The following NUP58 variants were observed in gnomAD, a reference collection of about 807,000 sequenced individuals.
NUP58 encodes nucleoporin 58, also known as nucleoporin p58/p45.
A neutral mutation model predicts 70.1 loss-of-function variants in NUP58; 17 were observed. The observed-to-expected ratio is 0.24, with a 90% CI of 0.17 to 0.36. The LOEUF is 0.36. Ranked by LOEUF, NUP58 falls within the 10% of genes least tolerant of loss-of-function variation. NUP58 has a pLI of 1.00. For synonymous variants in NUP58, 275 were observed against 257.6 expected, an observed-to-expected ratio of 1.07 and a Z score of -0.65; for missense variants, 644 against 701.5, an observed-to-expected ratio of 0.92 and a Z score of 0.93.
At chr13:25,314,526 T>A (rs1297231641) in intron 5 of NUP58, among the ~76,000 whole-genome samples, 1 of 151,996 alleles carries the variant, frequency 6.6e-6, no homozygotes, top group Non-Finnish European at 1.5e-5. Context: ...TGAAACCGCA[T>A]CTCTACTAAA....
intron 12 of NUP58, among the ~76,000 whole-genome samples, chr13:25,328,260 G>A (rs1237563735): frequency 6.6e-6 from 1 of 151,968 alleles, no homozygotes; most frequent in Non-Finnish European, 1.5e-5. Context: ...AATTTTATCT[G>A]TTTTAAGTGT....
At chr13:25,324,587 A>T (rs1290053487) in intron 9 of NUP58, among the ~76,000 whole-genome samples, 1 of 152,176 alleles carries the variant, frequency 6.6e-6, no homozygotes, top group African/African-American at 2.4e-5. Context: ...GGTACATAGC[A>T]AGCACCCAAA....
Position 25,327,043 on chromosome 13 carries a change from C to G in NUP58, c.1150+9C>G, listed in dbSNP as rs777499858. On this transcript the variant is annotated intron_variant, in intron 11 of 15. Coordinates refer to ENST00000381736, the MANE Select transcript of NUP58 (RefSeq NM_014089.4). ...ACATATAACCCCTCAAGGTAACATG[C>G]TTACTGTGGTAATTTTTTTTGAACT... 1 of 1,468,730 alleles carries G rather than the reference C, an allele frequency of 6.8e-7. No homozygotes were observed. The highest frequency in any genetic ancestry group is 1.2e-5 in the South Asian group (1 of 82,044). 91.0% of individuals were successfully genotyped at this position (1,468,730 alleles called of 1,614,324 possible).
chr13:25,336,129 T>G (rs552909980), intron 13 of NUP58: 1 of 1,304,416 alleles, frequency 7.7e-7, no homozygotes, highest in South Asian at 1.3e-5. Context: ...GGAAAGAAAC[T>G]TCTGAATTGA....
Position 25,340,188 on chromosome 13 carries a change from C to T in NUP58, c.*54C>T. On this transcript the variant is annotated 3_prime_UTR_variant, in exon 16 of 16. Transcript: ENST00000381736. ...TAGCAGCACCGTTCATTCTATGAGTCTATTTTTCTAATGATGCAGTAATTA... is the reference window on the plus strand; with the variant it reads ...TAGCAGCACCGTTCATTCTATGAGTTTATTTTTCTAATGATGCAGTAATTA... The T allele has an allele frequency of 7.2e-7, 1 of 1,389,578 alleles. No individual in the cohort carries two copies. The highest frequency in any genetic ancestry group is 9.5e-7 in the Non-Finnish European group (1 of 1,054,034). The allele number at this position is 1,389,578 out of a possible 1,614,324, so 86.1% of individuals were successfully genotyped here.
At position 25,313,734 on chromosome 13, in the gene NUP58, C is replaced by T; in HGVS notation, c.557C>T (p.Thr186Ile). ...AGLGGSLFQS[T>I]NTGTSGLGQN... ...TTGGGAGGTTCACTTTTCCAGAGTA[C>T]AAACACAGGAACATCAGGTAATTGA... Residue 186 changes from threonine to isoleucine, a missense_variant, in exon 5 of 16, where the codon ACA (threonine) becomes ATA (isoleucine). Thr to Ile is a moderately conservative substitution (Grantham distance 89). Around this residue, in one of 4 missense-constraint regions of NUP58, gnomAD observed 430 missense variants for 409.2 expected, o/e 1.05. Coordinates refer to ENST00000381736, the MANE Select transcript of NUP58 (RefSeq NM_014089.4). The T allele has an allele frequency of 6.5e-7, 1 of 1,528,256 alleles. No individual in the cohort carries two copies. The highest frequency in any genetic ancestry group is 8.7e-7 in the Non-Finnish European group (1 of 1,150,894). The allele number at this position is 1,528,256 out of a possible 1,614,324, so 94.7% of individuals were successfully genotyped here. A position where few individuals can be genotyped will look rare whatever the true frequency, so the allele number is the denominator to read the frequency against.
intron 5 of NUP58, among the ~76,000 whole-genome samples, chr13:25,314,425 G>A (rs977482368): frequency 1.3e-5 from 2 of 152,020 alleles, no homozygotes; most frequent in Non-Finnish European, 2.9e-5. Context: ...GCTGGACACG[G>A]TGGCTCACAC....
chr13:25,347,395 A>G (rs1028521628), downstream of NUP58, among the ~76,000 whole-genome samples: 2 of 152,174 alleles, frequency 1.3e-5, no homozygotes, highest in African/African-American at 4.8e-5. Context: ...GTCTTTTGCT[A>G]GGTGTCCTGC....
At position 25,313,610 on chromosome 13, in the gene NUP58, A is replaced by G. The variant is rs376547483; in HGVS notation, c.437-4A>G. On this transcript the variant is annotated splice_region_variant and splice_polypyrimidine_tract_variant and intron_variant, in intron 4 of 15. Transcript: ENST00000381736. ...TTGAAAGCTTACTATCTCTCTTTTT[A>G]TAGCATCCACAGGATTTACTCTAAA... is the stretch of plus-strand genomic sequence containing the variant. The G allele has an allele frequency of 6.7e-7, 1 of 1,489,042 alleles. No homozygotes were observed. The highest frequency in any genetic ancestry group is 8.9e-7 in the Non-Finnish European group (1 of 1,129,258). The allele number at this position is 1,489,042 out of a possible 1,614,324, so 92.2% of individuals were successfully genotyped here.
chr13:25,313,495 T>C, intron 4 of NUP58, 119 bp from the exon 5 acceptor site: 1 of 931,494 alleles, frequency 1.1e-6, no homozygotes, highest in African/African-American at 1.7e-5. Context: ...TAGCAAGTAG[T>C]TCTTCCAAAG....
intron 9 of NUP58, among the ~76,000 whole-genome samples, chr13:25,324,730 G>A (rs1194993157): frequency 1.3e-5 from 2 of 152,128 alleles, no homozygotes; most frequent in East Asian, 1.9e-4. Context: ...AATTCACTTC[G>A]TGAATCCTAC....
chr13:25,334,093 G>A (rs1346909188), intron 13 of NUP58: 13 of 985,042 alleles, frequency 1.3e-5, no homozygotes, highest in Non-Finnish European at 1.6e-5. Flanking sequence ...GTGATTTACA[G>A]TTATTTGTTC....
intron 9 of NUP58, among the ~76,000 whole-genome samples, chr13:25,324,305 A>G (rs1303214989): frequency 2.0e-5 from 3 of 152,246 alleles, no homozygotes; most frequent in South Asian, 4.1e-4. Flanking sequence ...ATACTTAAAT[A>G]GAGGTCGAAA....
At chr13:25,313,801 G>A (rs1255008010) in intron 5 of NUP58, 50 bp downstream of exon 5, 2 of 1,387,530 alleles carry the variant, frequency 1.4e-6, no homozygotes, top group Non-Finnish European at 1.9e-6. Flanking sequence ...ATATTTAAAT[G>A]TACTTATTTT....
intron 9 of NUP58, 139 bp from the exon 10 acceptor site, chr13:25,324,847 CATA>C (rs2031329974): frequency 6.4e-6 from 4 of 627,204 alleles, no homozygotes; most frequent in South Asian, 5.7e-5. Context: ...CAGCTTCATC[CATA>C]ATATGTTCTT....
At chr13:25,339,454 TA>T (rs2031889612) in intron 15 of NUP58, among the ~76,000 whole-genome samples, 1 of 152,238 alleles carries the variant, frequency 6.6e-6, no homozygotes, top group Non-Finnish European at 1.5e-5. Flanking sequence ...ATTAGTTAAC[TA>T]GGCAGTAGTA....
intron 13 of NUP58, chr13:25,334,751 A>C (rs2031724180): frequency 1.0e-6 from 1 of 983,752 alleles, no homozygotes. Flanking sequence ...ACTTTTAAGA[A>C]AGTAAAATTT....
intron 12 of NUP58, among the ~76,000 whole-genome samples, chr13:25,329,263 T>C (rs188016087): frequency 1.2e-4 from 19 of 152,300 alleles, no homozygotes; most frequent in African/African-American, 4.6e-4. Flanking sequence ...GACTACCTAA[T>C]TGCAACCATT....
At position 25,327,515 on chromosome 13, in the gene NUP58, A is replaced by C. The variant is rs2031442723; in HGVS notation, c.1233+3A>C. 4 of 1,596,380 alleles carry C rather than the reference A, an allele frequency of 2.5e-6. No individual in the cohort carries two copies. The highest frequency in any genetic ancestry group is 3.4e-6 in the Non-Finnish European group (4 of 1,166,460). ...AGTCTATTCATGAAAATGTAAAGGT[A>C]AGTTTTCATTACCCATTTATCTACC... On this transcript the variant is annotated splice_donor_region_variant and intron_variant, in intron 12 of 15. Transcript: ENST00000381736.
Sources: allele counts gnomAD v4.1 joint callset (sites outside exome capture counted in the v4.1 genomes callset), GRCh38; gene constraint gnomAD v4.1.1; regional missense constraint gnomAD v4.1.1; transcripts MANE v1.5; gene names NCBI Gene and HGNC (gene_info 2026-07-23, HGNC 2026-07-21).